Variants in NBEA observed in about 807,000 individuals in gnomAD.
The protein encoded by NBEA is lysosomal-trafficking regulator 2.
Under a neutral mutation model 343.4 loss-of-function variants are expected in NBEA, and 44 were observed. That is an observed-to-expected ratio of 0.13 (90% CI 0.10 to 0.16). The LOEUF is 0.16. NBEA is among the 10% of genes least tolerant of loss of function. The pLI is 1.00. For missense variants in NBEA, 2,555 were observed against 3,631.3 expected (o/e 0.70, Z 7.62); for synonymous variants, 1,175 against 1,238.7 (o/e 0.95, Z 1.08).
chr13:35,384,521 CTTTTTTTTTTTT>C (rs938208413), intron 38 of NBEA, among the ~76,000 whole-genome samples: 2 of 119,048 alleles, frequency 1.7e-5, no homozygotes, highest in Non-Finnish European at 3.5e-5. Context: ...CTTGAATAAT[CTTTTTTTTTTTT>C]TTTTTTTTTT....
At chr13:35,282,135 A>G (rs988604603) in intron 34 of NBEA, among the ~76,000 whole-genome samples, 1 of 151,380 alleles carries the variant, frequency 6.6e-6, no homozygotes, top group Non-Finnish European at 1.5e-5. Context: ...AGCCAGGATG[A>G]TATCCTGACC....
chr13:34,972,781 C>T (rs750018821), intron 1 of NBEA, among the ~76,000 whole-genome samples: 2 of 152,106 alleles, frequency 1.3e-5, no homozygotes, highest in South Asian at 2.1e-4. Flanking sequence ...GGATTACAGG[C>T]GTGAGCCACC....
At chr13:35,512,327 G>A (rs970631825) in intron 41 of NBEA, among the ~76,000 whole-genome samples, 2 of 152,172 alleles carry the variant, frequency 1.3e-5, no homozygotes, top group African/African-American at 4.8e-5. Flanking sequence ...CTGAATAGCA[G>A]AAACTGTCAA....
chr13:35,632,607 T>C (rs1204776795), intron 49 of NBEA, among the ~76,000 whole-genome samples: 1 of 151,996 alleles, frequency 6.6e-6, no homozygotes, highest in East Asian at 1.9e-4. Context: ...CCTCCCCTTG[T>C]ATTTTTTTTC....
chr13:35,398,814 A>G lies in NBEA; in HGVS notation c.6180-33455A>G, dbSNP rs78260321. On this transcript the variant is annotated intron_variant, in intron 38 of 58. Coordinates refer to ENST00000379939, the MANE Select transcript of NBEA (RefSeq NM_001385012.1). Reference sequence around the variant, plus strand: ...GTCAATGAGCTTTGGCTTCAACTTCAAGTTGTCAGCTGCATTAGCCCCCAG... The same window carrying G: ...GTCAATGAGCTTTGGCTTCAACTTCGAGTTGTCAGCTGCATTAGCCCCCAG... Among the ~76,000 whole-genome samples, 1,214 of 152,122 alleles carry G rather than the reference A, an allele frequency of 8.0e-3. 18 individuals are homozygous for G. The highest frequency in any genetic ancestry group is 0.028 in the African/African-American group (1,161 of 41,532).
At chr13:34,984,063 G>A (rs1327061562) in intron 1 of NBEA, among the ~76,000 whole-genome samples, 1 of 151,984 alleles carries the variant, frequency 6.6e-6, no homozygotes, top group Non-Finnish European at 1.5e-5. Flanking sequence ...GTCAATTTTG[G>A]CTTTTGTTGC....
chr13:35,080,085 A>G (rs1275429943), intron 10 of NBEA, among the ~76,000 whole-genome samples: 2 of 152,156 alleles, frequency 1.3e-5, no homozygotes, highest in African/African-American at 4.8e-5. Flanking sequence ...AGAACAACAC[A>G]ATTCTCCCTT....
intron 11 of NBEA, among the ~76,000 whole-genome samples, chr13:35,107,609 C>G (rs1167696243): frequency 1.3e-5 from 2 of 151,922 alleles, no homozygotes; most frequent in Non-Finnish European, 2.9e-5. Context: ...ATTTTATTAA[C>G]TATGTGTTCC....
At chr13:35,179,738 AG>A (rs1223878290) in intron 28 of NBEA, 2 of 981,910 alleles carry the variant, frequency 2.0e-6, no homozygotes, top group African/African-American at 3.5e-5. Flanking sequence ...TGTTAGAAAT[AG>A]AAGTATTATG....
At position 35,156,209 on chromosome 13, in the gene NBEA, A is replaced by G; in HGVS notation, c.2651+3A>G. The G allele has an allele frequency of 6.4e-7, 1 of 1,573,508 alleles. No homozygotes were observed. Among genetic ancestry groups the G allele is most frequent in the East Asian group, 2.3e-5 (1 of 44,056 alleles). On this transcript the variant is annotated splice_donor_region_variant and intron_variant, in intron 20 of 58. Transcript: ENST00000379939. ...AGTAACAGCCGTGAAAATAGAAGGT[A>G]AGCAGTTTGGATACTGTAACAACAC...
At chr13:35,628,360 CAG>C (rs2083313750) in intron 49 of NBEA, 112 bp downstream of exon 49, 1 of 806,854 alleles carries the variant, frequency 1.2e-6, no homozygotes, top group Admixed American at 3.7e-5. Flanking sequence ...TCTTACAAAA[CAG>C]ATTTCAGGTT....
chr13:35,356,868 A>C (rs2040518030), intron 38 of NBEA, among the ~76,000 whole-genome samples: 1 of 152,122 alleles, frequency 6.6e-6, no homozygotes, highest in Admixed American at 6.6e-5. Context: ...AGGTCTTTGC[A>C]CAAGTGTTTC....
intron 38 of NBEA, among the ~76,000 whole-genome samples, chr13:35,427,629 G>A (rs1223254886): frequency 1.3e-5 from 2 of 152,142 alleles, no homozygotes; most frequent in African/African-American, 4.8e-5. Flanking sequence ...CTCAATCTGT[G>A]TGCTGGGAGA....
At chr13:35,197,342 A>G (rs981289184) in intron 31 of NBEA, among the ~76,000 whole-genome samples, 2 of 152,160 alleles carry the variant, frequency 1.3e-5, no homozygotes, top group African/African-American at 4.8e-5. Context: ...TAGAAAGACA[A>G]GATCAAATTA....
chr13:35,222,959 G>A (rs930019159), intron 33 of NBEA, among the ~76,000 whole-genome samples: 2 of 151,950 alleles, frequency 1.3e-5, no homozygotes, highest in Admixed American at 6.6e-5. Context: ...TGCTGAAACC[G>A]CATCTCTAAT....
At chr13:35,393,268 A>T (rs2152901189) in intron 38 of NBEA, among the ~76,000 whole-genome samples, 1 of 152,296 alleles carries the variant, frequency 6.6e-6, no homozygotes, top group Admixed American at 6.5e-5. Context: ...ATGATTTTTT[A>T]AATTCTCCTG....
intron 44 of NBEA, among the ~76,000 whole-genome samples, chr13:35,562,741 ATGTCTG>A (rs1325775583): frequency 6.6e-6 from 1 of 152,086 alleles, no homozygotes; most frequent in Non-Finnish European, 1.5e-5. Flanking sequence ...AGATGACAAA[ATGTCTG>A]TAAAGTGTGA....
At chr13:35,236,876 A>G (rs1566499748) in intron 34 of NBEA, among the ~76,000 whole-genome samples, 1 of 152,006 alleles carries the variant, frequency 6.6e-6, no homozygotes, top group Non-Finnish European at 1.5e-5. Context: ...CTTACATAAT[A>G]TTAATAAAAT....
At chr13:35,337,197 C>A (rs1359252184) in intron 36 of NBEA, among the ~76,000 whole-genome samples, 1 of 151,936 alleles carries the variant, frequency 6.6e-6, no homozygotes, top group East Asian at 1.9e-4. Context: ...GTGAAATGAA[C>A]TTTCCAATTA....
Sources: gnomAD v4.1 joint callset for allele counts (sites outside exome capture counted in the v4.1 genomes callset) on GRCh38, gnomAD v4.1.1 for gene constraint, MANE v1.5 for transcripts, NCBI Gene and HGNC (gene_info 2026-07-23, HGNC 2026-07-21) for gene names.